SHISA6: variants seen among roughly 807,000 people sequenced by gnomAD.
SHISA6 encodes shisa family member 6.
SHISA6 carries 22 observed loss-of-function variants against 47.9 expected under a neutral mutation model. The observed-to-expected ratio is 0.46, with a 90% CI of 0.33 to 0.66. The LOEUF (loss-of-function observed/expected upper bound fraction) is 0.66. SHISA6 is among the 30% of genes least tolerant of loss of function. The pLI, the probability that SHISA6 is intolerant of heterozygous loss-of-function variation, is 0.02. For missense variants in SHISA6, 680 were observed against 764.6 expected, an observed-to-expected ratio of 0.89 and a Z score of 1.30; for synonymous variants, 388 against 337.8, an observed-to-expected ratio of 1.15 and a Z score of -1.63.
chr17:11,543,999 A>T (rs2071858316), intron 3 of SHISA6, among the ~76,000 whole-genome samples: 1 of 150,994 alleles, frequency 6.6e-6, no homozygotes, highest in East Asian at 1.9e-4. Flanking sequence ...GGTATTTACA[A>T]TTGGATATTC....
intron 3 of SHISA6, among the ~76,000 whole-genome samples, chr17:11,527,815 A>C (rs1291769637): frequency 6.6e-6 from 1 of 152,202 alleles, no homozygotes; most frequent in Non-Finnish European, 1.5e-5. Flanking sequence ...CACACAAAAA[A>C]AATTGTCAAC....
At chr17:11,479,238 A>T (rs945143495) in intron 3 of SHISA6, among the ~76,000 whole-genome samples, 3 of 151,764 alleles carry the variant, frequency 2.0e-5, no homozygotes, top group African/African-American at 7.3e-5. Context: ...ACTCCTTCTT[A>T]AAAAAAATAA....
At chr17:11,354,269 G>A (rs1391856687) in intron 2 of SHISA6, among the ~76,000 whole-genome samples, 4 of 152,162 alleles carry the variant, frequency 2.6e-5, no homozygotes, top group African/African-American at 9.7e-5. Context: ...TAGGCCCAGG[G>A]TGGGGCCTGA....
chr17:11,290,930 C>G (rs1042815917), intron 2 of SHISA6: 1 of 151,784 alleles, frequency 6.6e-6, no homozygotes, highest in South Asian at 2.1e-4. Context: ...CATGCTGTAG[C>G]GCTGGTGATG....
intron 2 of SHISA6, among the ~76,000 whole-genome samples, chr17:11,305,129 G>A (rs970827714): frequency 4.6e-5 from 7 of 152,140 alleles, no homozygotes; most frequent in South Asian, 2.1e-4. Context: ...GCCCTTGGGC[G>A]AGTTCTGGAA....
chr17:11,411,504 C>A (rs1011802345), intron 3 of SHISA6, among the ~76,000 whole-genome samples: 11 of 152,174 alleles, frequency 7.2e-5, no homozygotes, highest in African/African-American at 2.7e-4. Context: ...TCAAGCGATT[C>A]TCCTGCCTCA....
In SHISA6 at chr17:11,241,770, C is replaced by CTACCTGTACTGCTGCGG; in HGVS notation, c.355_371dup (p.Tyr125ThrfsTer66). On this transcript the variant is annotated frameshift_variant, in exon 1 of 6. Transcript: ENST00000441885. LOFTEE classifies it high-confidence loss of function. This position sits in a 1 kb window ranked among gnomAD's most constrained non-coding sequence, Gnocchi z 5.5. ...TCGAGTGTAACAACAGCGAGAGCGG[C>CTACCTGTACTGCTGCGG]TACCTGTACTGCTGCGGTACCTGCT... is the stretch of plus-strand genomic sequence containing the variant. The CTACCTGTACTGCTGCGG allele has an allele frequency of 6.5e-7, 1 of 1,549,118 alleles. No individual in the cohort carries two copies. Among genetic ancestry groups the CTACCTGTACTGCTGCGG allele is most frequent in the Non-Finnish European group, 8.7e-7 (1 of 1,146,978 alleles).
chr17:11,525,494 G>A (rs1288693889), intron 3 of SHISA6, among the ~76,000 whole-genome samples: 5 of 151,742 alleles, frequency 3.3e-5, no homozygotes, highest in Non-Finnish European at 5.9e-5. Context: ...TTAGCTGGGC[G>A]TGGTGGCACA....
At chr17:11,354,831 G>A (rs1031540538) in intron 2 of SHISA6, among the ~76,000 whole-genome samples, 4 of 152,112 alleles carry the variant, frequency 2.6e-5, no homozygotes, top group Admixed American at 6.5e-5. Flanking sequence ...GAAATGTGAC[G>A]GAAGGCTCTC....
intron 2 of SHISA6, among the ~76,000 whole-genome samples, chr17:11,322,636 G>T (rs1910751752): frequency 1.3e-5 from 2 of 152,136 alleles, no homozygotes; most frequent in African/African-American, 4.8e-5. Context: ...AACCTAACTT[G>T]TATTAATTAA....
intron 2 of SHISA6, among the ~76,000 whole-genome samples, chr17:11,278,071 C>A (rs928570295): frequency 6.6e-6 from 1 of 152,164 alleles, no homozygotes; most frequent in African/African-American, 2.4e-5. Context: ...GCTTCTACCA[C>A]AAACCGTTGG....
At chr17:11,306,001 G>A (rs1413268155) in intron 2 of SHISA6, among the ~76,000 whole-genome samples, 1 of 152,070 alleles carries the variant, frequency 6.6e-6, no homozygotes, top group Non-Finnish European at 1.5e-5. Flanking sequence ...CTTACAAACA[G>A]GACATCTGCC....
chr17:11,292,569 A>C (rs1402026412), intron 2 of SHISA6, among the ~76,000 whole-genome samples: 1 of 152,090 alleles, frequency 6.6e-6, no homozygotes, highest in Admixed American at 6.6e-5. Flanking sequence ...CTAGCAACAC[A>C]GGGAATGACA....
At chr17:11,319,341 A>C (rs1910633120) in intron 2 of SHISA6, among the ~76,000 whole-genome samples, 6 of 152,132 alleles carry the variant, frequency 3.9e-5, no homozygotes, top group Admixed American at 3.9e-4. Context: ...GCCCTTCCAA[A>C]GTGCCGGGAT....
chr17:11,377,957 T>C (rs894553875), intron 2 of SHISA6, among the ~76,000 whole-genome samples: 1 of 152,114 alleles, frequency 6.6e-6, no homozygotes, highest in Non-Finnish European at 1.5e-5. Context: ...GTTACATAGG[T>C]AAACATGTGC....
At chr17:11,552,027 A>T in intron 4 of SHISA6, 75 bp downstream of exon 4, 2 of 1,440,134 alleles carry the variant, frequency 1.4e-6, no homozygotes, top group Non-Finnish European at 9.5e-7. Flanking sequence ...GATGCCTATC[A>T]GGGCATCAAA....
At chr17:11,535,530 G>T (rs975179488) in intron 3 of SHISA6, among the ~76,000 whole-genome samples, 1 of 152,198 alleles carries the variant, frequency 6.6e-6, no homozygotes, top group Non-Finnish European at 1.5e-5. Context: ...TGTAAGAACA[G>T]ATTTCTAGAT....
chr17:11,388,824 ATATATATATATATAT>A (rs1336459915), intron 3 of SHISA6, among the ~76,000 whole-genome samples: 6 of 104,584 alleles, frequency 5.7e-5, no homozygotes, highest in African/African-American at 2.5e-4. Context: ...ATATATATAT[ATATATATATATATAT>A]ATTTTAAAAA....
chr17:11,493,789 G>C (rs2071385882), intron 3 of SHISA6, among the ~76,000 whole-genome samples: 1 of 152,182 alleles, frequency 6.6e-6, no homozygotes, highest in African/African-American at 2.4e-5. Flanking sequence ...GGTCTCCTTG[G>C]AAACCCTGGC....
Sources: gnomAD v4.1 joint callset for allele counts (sites outside exome capture counted in the v4.1 genomes callset) on GRCh38, gnomAD v4.1.1 for gene constraint, Gnocchi (gnomAD v3.1) non-coding constraint, MANE v1.5 for transcripts, NCBI Gene and HGNC (gene_info 2026-07-23, HGNC 2026-07-21) for gene names.